FBXO15: variants seen among roughly 807,000 people sequenced by gnomAD.
FBXO15 encodes F-box protein 15.
FBXO15 carries 30 observed loss-of-function variants against 49.5 expected under a neutral mutation model. The observed-to-expected ratio is 0.61, with a 90% confidence interval of 0.45 to 0.82. FBXO15 has a LOEUF of 0.82. Ranked by LOEUF, FBXO15 falls within the 40% of genes least tolerant of loss-of-function variation. FBXO15 has a pLI of 0.00. For missense variants in FBXO15, 591 were observed against 631.5 expected (o/e 0.94, Z 0.69); for synonymous variants, 250 against 232.7 (o/e 1.07, Z -0.68).
chr18:74,106,262 A>AT (rs1267228288), intron 8 of FBXO15, among the ~76,000 whole-genome samples: 13 of 152,188 alleles, frequency 8.5e-5, no homozygotes, highest in African/African-American at 2.9e-4. Flanking sequence ...AGTAGAACTT[A>AT]CCATATTTAC....
In FBXO15 at chr18:74,082,469, C is replaced by A. The variant is rs573656392; in HGVS notation, c.1139-418G>T. On this transcript the variant is annotated intron_variant, in intron 8 of 9. Transcript: ENST00000419743. ...AAGAAACAAGGGGCTGGAGAGCAGG[C>A]GAACATGAAGAGGAGTGGAAGAAAC... 5.9e-5 allele frequency among the ~76,000 whole-genome samples: 9 copies of A among 152,250 alleles called. No homozygotes were observed. The South Asian group carries it at 1.2e-3, about 21-fold the overall frequency.
intron 8 of FBXO15, among the ~76,000 whole-genome samples, chr18:74,088,491 GT>G (rs1245374804): frequency 6.6e-6 from 1 of 152,070 alleles, no homozygotes; most frequent in African/African-American, 2.4e-5. Context: ...TTGTCTCTTT[GT>G]TGAAGATCAG....
chr18:74,141,391 G>A (rs1979067187), intron 1 of FBXO15, among the ~76,000 whole-genome samples: 5 of 152,244 alleles, frequency 3.3e-5, no homozygotes, highest in South Asian at 2.1e-4. Context: ...GGATATTGGC[G>A]CACCTCCTTC....
chr18:74,115,744 T>C (rs1914204721), intron 8 of FBXO15, among the ~76,000 whole-genome samples: 1 of 152,238 alleles, frequency 6.6e-6, no homozygotes, highest in African/African-American at 2.4e-5. Context: ...TAATGCATAA[T>C]GTATAATTTA....
chr18:74,123,809 G>A (rs959141665), intron 7 of FBXO15, among the ~76,000 whole-genome samples: 1 of 152,070 alleles, frequency 6.6e-6, no homozygotes, highest in Non-Finnish European at 1.5e-5. Context: ...AAGCCACTCT[G>A]CCCTCCGTGT....
chr18:74,141,638 C>G (rs1186616415), intron 1 of FBXO15, among the ~76,000 whole-genome samples: 4 of 152,128 alleles, frequency 2.6e-5, no homozygotes, highest in Admixed American at 6.5e-5. Context: ...AATGAACCAA[C>G]CCCCCTGAAA....
At chr18:74,093,602 C>A (rs993905885) in intron 8 of FBXO15, among the ~76,000 whole-genome samples, 1 of 152,212 alleles carries the variant, frequency 6.6e-6, no homozygotes, top group African/African-American at 2.4e-5. Flanking sequence ...AGAAGCAACT[C>A]CTTATCCATT....
chr18:74,127,619 C>A (rs1978293796), intron 5 of FBXO15, among the ~76,000 whole-genome samples: 1 of 152,188 alleles, frequency 6.6e-6, no homozygotes, highest in Non-Finnish European at 1.5e-5. Flanking sequence ...TACAAACTTG[C>A]AATAAAAGTG....
intron 9 of FBXO15, among the ~76,000 whole-genome samples, chr18:74,078,163 G>A (rs764859734): frequency 6.6e-6 from 1 of 152,146 alleles, no homozygotes. Flanking sequence ...GCCAGATCAA[G>A]AGCTGGGAGC....
intron 8 of FBXO15, among the ~76,000 whole-genome samples, chr18:74,118,493 G>A (rs1030782390): frequency 6.3e-5 from 9 of 143,954 alleles, no homozygotes; most frequent in African/African-American, 2.3e-4. Context: ...CACAGAGAGA[G>A]AGAGAGAGAA....
chr18:74,124,936 T>C (rs1331660053), intron 6 of FBXO15, among the ~76,000 whole-genome samples: 4 of 152,210 alleles, frequency 2.6e-5, no homozygotes, highest in African/African-American at 9.6e-5. Context: ...AGATTAATTC[T>C]ACAAATACTG....
chr18:74,077,153 G>A (rs895128642), intron 9 of FBXO15, among the ~76,000 whole-genome samples: 6 of 152,190 alleles, frequency 3.9e-5, no homozygotes, highest in Non-Finnish European at 1.5e-5. Flanking sequence ...GCTTGGTTCA[G>A]CATCGTGCCC....
intron 8 of FBXO15, among the ~76,000 whole-genome samples, chr18:74,089,405 AT>A (rs1912913411): frequency 1.3e-5 from 2 of 152,096 alleles, no homozygotes; most frequent in African/African-American, 4.8e-5. Context: ...TTGACTTCCT[AT>A]TTGGATGCCT....
chr18:74,119,717 C>G (rs1468747900), intron 8 of FBXO15, among the ~76,000 whole-genome samples: 2 of 152,088 alleles, frequency 1.3e-5, no homozygotes, highest in Admixed American at 1.3e-4. Context: ...CAGAGAGGAA[C>G]TCACTAAAGC....
intron 7 of FBXO15, 83 bp from the exon 8 acceptor site, chr18:74,123,593 T>A: frequency 1.4e-6 from 2 of 1,433,418 alleles, no homozygotes; most frequent in Non-Finnish European, 1.9e-6. Context: ...TTTAAAAAAT[T>A]ACCATCTGTA....
chr18:74,103,696 G>T, intron 8 of FBXO15, among the ~76,000 whole-genome samples: 1 of 152,050 alleles, frequency 6.6e-6, no homozygotes, highest in Non-Finnish European at 1.5e-5. Context: ...AACCATACAG[G>T]CCAGGAGGGA....
chr18:74,131,679 A>G (rs936843774), intron 3 of FBXO15, among the ~76,000 whole-genome samples: 2 of 152,218 alleles, frequency 1.3e-5, no homozygotes, highest in Admixed American at 1.3e-4. Context: ...GACACAGGGA[A>G]AACTGAGGCA....
chr18:74,117,858 A>G (rs955679468), intron 8 of FBXO15, among the ~76,000 whole-genome samples: 1 of 152,202 alleles, frequency 6.6e-6, no homozygotes, highest in Non-Finnish European at 1.5e-5. Flanking sequence ...TTTGTTTGCA[A>G]TAGTGAATGG....
intron 1 of FBXO15, among the ~76,000 whole-genome samples, chr18:74,144,057 C>T (rs749445645): frequency 6.6e-6 from 1 of 152,228 alleles, no homozygotes; most frequent in Non-Finnish European, 1.5e-5. Flanking sequence ...ATCGCTGAAT[C>T]ACTAACAGTA....
Sources: allele counts gnomAD v4.1 joint callset (sites outside exome capture counted in the v4.1 genomes callset), GRCh38; gene constraint gnomAD v4.1.1; transcripts MANE v1.5; gene names NCBI Gene and HGNC (gene_info 2026-07-23, HGNC 2026-07-21).